The following TMEM217 variants were observed in gnomAD, a reference collection of about 807,000 sequenced individuals.
TMEM217 encodes the protein chromosome 6 open reading frame 128.
For missense variants in TMEM217, 204 were observed against 248.8 expected, an observed-to-expected ratio of 0.82 and a Z score of 1.21; for synonymous variants, 76 against 88.3, an observed-to-expected ratio of 0.86 and a Z score of 0.78.
At chr6:37,212,227 A>G in exon 4 of TMEM217, 1 of 334,588 alleles carries the variant, frequency 3.0e-6, no homozygotes, top group Non-Finnish European at 5.9e-6. Context: ...TGCTAAAACA[A>G]GTCACACAAC....
downstream of TMEM217, among the ~76,000 whole-genome samples, chr6:37,215,702 A>T (rs1221721079): frequency 6.6e-6 from 1 of 152,096 alleles, no homozygotes; most frequent in African/African-American, 2.4e-5. Flanking sequence ...ATGAAAAATC[A>T]TTGGATGAGA....
At chr6:37,218,942 A>G in exon 2 of TMEM217, 7 of 1,614,184 alleles carry the variant, frequency 4.3e-6, no homozygotes, top group Non-Finnish European at 5.9e-6. Flanking sequence ...TTCAAAGATG[A>G]GATACATGTC....
At chr6:37,238,387 T>C (rs920069513) in intron 1 of TMEM217, among the ~76,000 whole-genome samples, 2 of 152,220 alleles carry the variant, frequency 1.3e-5, no homozygotes, top group South Asian at 2.1e-4. Context: ...AGCTGTGTTG[T>C]AGCAGACACC....
intron 1 of TMEM217, among the ~76,000 whole-genome samples, chr6:37,252,883 ACCTG>A (rs1765523345): frequency 6.6e-6 from 1 of 151,468 alleles, no homozygotes; most frequent in Non-Finnish European, 1.5e-5. Flanking sequence ...CAAGTGATCC[ACCTG>A]CCTCAGCCTC....
chr6:37,244,683 A>G (rs373916986), intron 1 of TMEM217, among the ~76,000 whole-genome samples: 2 of 152,328 alleles, frequency 1.3e-5, no homozygotes, highest in South Asian at 2.1e-4. Flanking sequence ...TCACAATAAC[A>G]TCACATAAAC....
At chr6:37,252,018 C>G (rs897717997) in intron 1 of TMEM217, among the ~76,000 whole-genome samples, 1 of 152,048 alleles carries the variant, frequency 6.6e-6, no homozygotes, top group Non-Finnish European at 1.5e-5. Context: ...CTCAGCCTCC[C>G]GAGTAGCTGG....
exon 2 of TMEM217, chr6:37,218,593 G>A (rs1481391027): frequency 6.2e-7 from 1 of 1,614,160 alleles, no homozygotes; most frequent in Non-Finnish European, 8.5e-7. Context: ...CATAGTTGAT[G>A]ACAAAGAACA....
downstream of TMEM217, chr6:37,212,797 T>C: frequency 1.3e-6 from 1 of 749,722 alleles, no homozygotes; most frequent in Non-Finnish European, 2.4e-6. Flanking sequence ...AGTGCTGATA[T>C]TAGCCCTGTG....
chr6:37,219,757 C>T (rs1167461430), intron 1 of TMEM217, among the ~76,000 whole-genome samples: 3 of 152,064 alleles, frequency 2.0e-5, no homozygotes, highest in South Asian at 2.1e-4. Flanking sequence ...ATGCTGTTAA[C>T]TCTCCCAGCA....
At chr6:37,250,126 G>A (rs1765317670) in intron 1 of TMEM217, among the ~76,000 whole-genome samples, 1 of 152,138 alleles carries the variant, frequency 6.6e-6, no homozygotes, top group Admixed American at 6.5e-5. Flanking sequence ...TCATACTATT[G>A]TCTAAAAGAA....
intron 1 of TMEM217, among the ~76,000 whole-genome samples, chr6:37,220,808 C>A (rs569160388): frequency 6.6e-6 from 1 of 152,158 alleles, no homozygotes; most frequent in Admixed American, 6.5e-5. Flanking sequence ...TGAGAACAAG[C>A]TGAAACAACA....
At chr6:37,257,662 A>T (rs957764449) in exon 1 of TMEM217, 6 of 519,354 alleles carry the variant, frequency 1.2e-5, no homozygotes, top group Non-Finnish European at 2.1e-5. Context: ...CCAGCCCCTG[A>T]CGTTACCGGT....
At chr6:37,215,284 T>C (rs746112862), downstream of TMEM217, 1 of 1,610,590 alleles carries the variant, frequency 6.2e-7, no homozygotes, top group Non-Finnish European at 8.5e-7. Context: ...GTGTGGAAGC[T>C]AGACAAATAA....
At chr6:37,246,378 C>T (rs538889774) in intron 1 of TMEM217, among the ~76,000 whole-genome samples, 1 of 152,316 alleles carries the variant, frequency 6.6e-6, no homozygotes, top group South Asian at 2.1e-4. Context: ...AGGGCATGCT[C>T]TTCTCATAGT....
At chr6:37,252,633 A>ATTTT (rs1347062653) in intron 1 of TMEM217, among the ~76,000 whole-genome samples, 6 of 75,258 alleles carry the variant, frequency 8.0e-5, no homozygotes, top group African/African-American at 2.8e-4. Context: ...ATATATATAT[A>ATTTT]TATATTTTTT....
chr6:37,246,515 GAA>G lies in TMEM217; in HGVS notation c.-12+11051_-12+11052del, dbSNP rs1404764851. On this transcript the variant is annotated intron_variant, in intron 1 of 1. Transcript: ENST00000357219. Reference sequence around the variant, plus strand: ...ACTCTCATGCACTGCAAGAGGGAGTGAAAAACTGACAATAATCTGGTCTACTT... The same window carrying G: ...ACTCTCATGCACTGCAAGAGGGAGTGAAACTGACAATAATCTGGTCTACTT... Among the ~76,000 whole-genome samples, 3 of 152,162 alleles carry G rather than the reference GAA, an allele frequency of 2.0e-5. No individual in the cohort carries two copies. In the East Asian group the frequency reaches 5.8e-4, roughly 29 times the overall value.
At chr6:37,216,534 G>A (rs1763215801), downstream of TMEM217, among the ~76,000 whole-genome samples, 1 of 152,114 alleles carries the variant, frequency 6.6e-6, no homozygotes, top group African/African-American at 2.4e-5. Context: ...TTTGGGGCCT[G>A]GGGCTGTGGA....
chr6:37,246,728 C>A (rs569941191), intron 1 of TMEM217, among the ~76,000 whole-genome samples: 15 of 152,116 alleles, frequency 9.9e-5, no homozygotes, highest in Non-Finnish European at 2.2e-4. Flanking sequence ...CATAGTGAGA[C>A]CCTATCTCTA....
intron 1 of TMEM217, among the ~76,000 whole-genome samples, chr6:37,222,220 GCC>G (rs1055591731): frequency 5.9e-5 from 9 of 152,218 alleles, no homozygotes; most frequent in African/African-American, 2.2e-4. Context: ...TGGCGGCCTG[GCC>G]CCAGCCTTCA....
Sources: allele counts gnomAD v4.1 joint callset (sites outside exome capture counted in the v4.1 genomes callset), GRCh38; gene constraint gnomAD v4.1.1; transcripts MANE v1.5; gene names NCBI Gene and HGNC (gene_info 2026-07-23, HGNC 2026-07-21).